TRMT11: variants seen among roughly 807,000 people sequenced by gnomAD.
TRMT11 encodes the protein tRNA (guanine(10)-N(2))-methyltransferase TRMT11.
Under a neutral mutation model 62.8 loss-of-function variants are expected in TRMT11, and 53 were observed. That is an observed-to-expected ratio of 0.84 (90% CI 0.68 to 1.06). The LOEUF is 1.06. TRMT11 is among the 50% of genes least tolerant of loss of function. TRMT11 has a pLI of 0.00. For missense variants in TRMT11, 556 were observed against 553.4 expected (o/e 1.00, Z -0.05); for synonymous variants, 188 against 190.3 (o/e 0.99, Z 0.10).
At position 126,093,594 on chromosome 6, in the gene TRMT11, TA is replaced by T. The variant is rs1777300287; in HGVS notation, c.*1438-19271del. ...GTAACAGGATATGTATGTATATATA[TA>T]TATATATATATATATATATATATAT... On this transcript the variant is annotated intron_variant and NMD_transcript_variant, in intron 17 of 22. Transcript: ENST00000648977. Among the ~76,000 whole-genome samples the T allele has an allele frequency of 3.5e-5, 2 of 56,912 alleles. 1 individual carries two copies. Among genetic ancestry groups the T allele is most frequent in the African/African-American group, 3.2e-4 (2 of 6,294 alleles). The allele number at this position is 56,912 out of a possible 152,430, so 37.3% of individuals were successfully genotyped here. A position where few individuals can be genotyped will look rare whatever the true frequency, so the allele number is the denominator to read the frequency against.
chr6:126,244,711 T>C, the TRMT11 span, among the ~76,000 whole-genome samples: 1 of 152,094 alleles, frequency 6.6e-6, no homozygotes, highest in African/African-American at 2.4e-5. Flanking sequence ...TCTGACTGAG[T>C]TTTGTTACTA....
In TRMT11 at chr6:125,986,853, C is replaced by G. The variant is rs1372789607; in HGVS notation, c.72+231C>G. 8 of 536,566 alleles carry G rather than the reference C, an allele frequency of 1.5e-5. No homozygotes were observed. The East Asian group carries it at 1.9e-4, about 13-fold the overall frequency. The allele number at this position is 536,566 out of a possible 1,614,324, so 33.2% of individuals were successfully genotyped here. A position where few individuals can be genotyped will look rare whatever the true frequency, so the allele number is the denominator to read the frequency against. ...TGCTTAAACTTTTCATTCTTTTGCC[C>G]GTGTATCAAGTACCGGAGTTAGGCA... On this transcript the variant is annotated intron_variant, in intron 1 of 12. Transcript: ENST00000334379.
At chr6:126,003,595 T>C (rs1182532502) in intron 7 of TRMT11, among the ~76,000 whole-genome samples, 1 of 152,084 alleles carries the variant, frequency 6.6e-6, no homozygotes, top group Non-Finnish European at 1.5e-5. Flanking sequence ...AAATGATATC[T>C]CAATGTAGTG....
chr6:126,151,397 G>A (rs1778035886), intron 21 of TRMT11, among the ~76,000 whole-genome samples: 1 of 152,060 alleles, frequency 6.6e-6, no homozygotes, highest in African/African-American at 2.4e-5. Context: ...TTTTTTAAGA[G>A]TTTCCCTTCC....
chr6:126,088,323 A>G (rs775268667), intron 17 of TRMT11, among the ~76,000 whole-genome samples: 4 of 152,132 alleles, frequency 2.6e-5, no homozygotes, highest in Non-Finnish European at 5.9e-5. Context: ...TCCTTTTTCA[A>G]ATTATAAGCT....
At chr6:126,255,620 G>T in the TRMT11 span, among the ~76,000 whole-genome samples, 782 of 152,246 alleles carry the variant, frequency 5.1e-3, 9 homozygotes, top group African/African-American at 0.018. Flanking sequence ...GCCATGAAAT[G>T]TCAGCAATGA....
chr6:126,034,934 G>A (rs886192379), intron 12 of TRMT11, among the ~76,000 whole-genome samples: 1 of 151,982 alleles, frequency 6.6e-6, no homozygotes, highest in Non-Finnish European at 1.5e-5. Flanking sequence ...TGTGAATAGA[G>A]AAGAGTCATG....
the TRMT11 span, among the ~76,000 whole-genome samples, chr6:126,263,570 C>A: frequency 2.6e-3 from 394 of 152,240 alleles, no homozygotes; most frequent in African/African-American, 8.9e-3. Context: ...CATTTATCTC[C>A]AGTTAAAGGG....
intron 12 of TRMT11, among the ~76,000 whole-genome samples, chr6:126,033,052 C>T (rs1212607227): frequency 6.6e-6 from 1 of 152,116 alleles, no homozygotes; most frequent in Non-Finnish European, 1.5e-5. Flanking sequence ...AATAAAGCAG[C>T]TGAATTGACG....
the TRMT11 span, among the ~76,000 whole-genome samples, chr6:126,267,399 T>C: frequency 6.6e-6 from 1 of 152,186 alleles, no homozygotes; most frequent in Non-Finnish European, 1.5e-5. Flanking sequence ...ATGACTCTGG[T>C]CCAATATGGG....
At chr6:126,029,308 T>C (rs1304083973) in intron 12 of TRMT11, among the ~76,000 whole-genome samples, 1 of 152,196 alleles carries the variant, frequency 6.6e-6, no homozygotes, top group African/African-American at 2.4e-5. Flanking sequence ...TGAACATCCA[T>C]GTACCTGCCA....
intron 16 of TRMT11, among the ~76,000 whole-genome samples, chr6:126,048,477 G>A (rs1776122456): frequency 6.6e-6 from 1 of 152,114 alleles, no homozygotes; most frequent in Non-Finnish European, 1.5e-5. Context: ...TTCAAACAGT[G>A]GAAACAAATT....
chr6:125,986,563 T>C lies in TRMT11; in HGVS notation c.13T>C (p.Cys5Arg), dbSNP rs140329042. 2 of 1,591,312 alleles carry C rather than the reference T, an allele frequency of 1.3e-6. No individual in the cohort carries two copies. The highest frequency in any genetic ancestry group is 1.7e-6 in the Non-Finnish European group (2 of 1,171,170). ...GTGGGCAGCTGCAATGGCGCTGTCG[T>C]GTACCCTTAACAGGTATCTGCTCCT... MALS[C>R]TLNRYLLLMA... Residue 5 changes from cysteine (C) to arginine (R), a missense_variant, in exon 1 of 13, where the codon TGT (cysteine) becomes CGT (arginine). Transcript: ENST00000334379.
chr6:126,098,519 A>T (rs1443220137), intron 17 of TRMT11, among the ~76,000 whole-genome samples: 1 of 151,812 alleles, frequency 6.6e-6, no homozygotes, highest in East Asian at 1.9e-4. Flanking sequence ...ACCTCAAATC[A>T]CTCCCTATAG....
chr6:126,240,642 G>A, the TRMT11 span, among the ~76,000 whole-genome samples: 2 of 152,326 alleles, frequency 1.3e-5, no homozygotes, highest in East Asian at 3.9e-4. Flanking sequence ...TCCCAGTTAG[G>A]CTGCTCAGGG....
chr6:126,254,948 G>T, the TRMT11 span, among the ~76,000 whole-genome samples: 2 of 152,134 alleles, frequency 1.3e-5, no homozygotes, highest in Non-Finnish European at 2.9e-5. Context: ...TAGACAGATG[G>T]CAGGATGGCC....
At chr6:126,249,179 A>G in the TRMT11 span, among the ~76,000 whole-genome samples, 2 of 152,158 alleles carry the variant, frequency 1.3e-5, no homozygotes, top group African/African-American at 2.4e-5. Context: ...AACAGGGAGT[A>G]TGAGGGCTCC....
At chr6:126,032,930 T>G (rs1437197557) in intron 12 of TRMT11, among the ~76,000 whole-genome samples, 1 of 152,194 alleles carries the variant, frequency 6.6e-6, no homozygotes, top group Non-Finnish European at 1.5e-5. Flanking sequence ...GTTTTCTGTT[T>G]GAAAATACAT....
At chr6:125,999,330 A>C (rs1471432742) in intron 6 of TRMT11, 127 bp from the exon 7 acceptor site, 2 of 578,444 alleles carry the variant, frequency 3.5e-6, no homozygotes, top group Non-Finnish European at 5.7e-6. Context: ...ATTTTAAATA[A>C]ATAAGTTTAG....
Sources: gnomAD v4.1 joint callset for allele counts (sites outside exome capture counted in the v4.1 genomes callset) on GRCh38, gnomAD v4.1.1 for gene constraint, MANE v1.5 for transcripts, NCBI Gene and HGNC (gene_info 2026-07-23, HGNC 2026-07-21) for gene names.